RASA1: variants seen among roughly 807,000 people sequenced by gnomAD.
RASA1 encodes RAS p21 protein activator 1.
Under a neutral mutation model 132.2 loss-of-function variants are expected in RASA1, and 25 were observed. The observed-to-expected ratio is 0.19, with a 90% CI of 0.14 to 0.26. RASA1 has a LOEUF of 0.26. Among genes scored for constraint, RASA1 ranks in the 10% least tolerant of loss-of-function variants. The pLI, the probability that RASA1 is intolerant of heterozygous loss-of-function variation, is 1.00. For synonymous variants in RASA1, 477 were observed against 449.9 expected (o/e 1.06, Z -0.76); for missense variants, 964 against 1,299.2 (o/e 0.74, Z 3.97).
chr5:87,275,745 A>G (rs1754035914), intron 1 of RASA1, among the ~76,000 whole-genome samples: 1 of 151,664 alleles, frequency 6.6e-6, no homozygotes, highest in Non-Finnish European at 1.5e-5. Context: ...TAATTTTTGT[A>G]TTTTTCATGG....
rs755878903 is a variant in RASA1 at position 87,303,839 on chromosome 5, C to CTT, written c.540-27492_540-27491dup. 8.3e-3 allele frequency among the ~76,000 whole-genome samples: 1,087 copies of CTT among 130,300 alleles called. 7 individuals are homozygous for CTT. Among genetic ancestry groups the CTT allele is most frequent in the Non-Finnish European group, 0.013 (756 of 60,116 alleles). The allele number at this position is 130,300 out of a possible 152,430, so 85.5% of individuals were successfully genotyped here. A position where few individuals can be genotyped will look rare whatever the true frequency, so the allele number is the denominator to read the frequency against. On this transcript the variant is annotated intron_variant, in intron 1 of 24. Coordinates refer to ENST00000274376, the MANE Select transcript of RASA1 (RefSeq NM_002890.3). ...GTCTGTTATCTTTGATACTTCTTGT[C>CTT]TTTTTTTTTTTTTTTTTTGAGGCAG... is the stretch of plus-strand genomic sequence containing the variant.
chr5:87,388,660 CTGAT>C (rs1762236609), intron 23 of RASA1, among the ~76,000 whole-genome samples: 1 of 152,182 alleles, frequency 6.6e-6, no homozygotes, highest in Non-Finnish European at 1.5e-5. Context: ...ATAATTAACA[CTGAT>C]TATTCCCACA....
chr5:87,391,592 G>T lies in RASA1; in HGVS notation c.*709G>T. On this transcript the variant is annotated 3_prime_UTR_variant, in exon 25 of 25. Transcript: ENST00000274376. ...ATAATGCTTTGTTAAATGTTTACAA[G>T]TAAATAGTTTGAATTCAGTAAATAT... The T allele has an allele frequency of 4.3e-6, 1 of 234,726 alleles. No individual in the cohort carries two copies. The highest frequency in any genetic ancestry group is 8.4e-6 in the Non-Finnish European group (1 of 118,802). The allele number at this position is 234,726 out of a possible 1,614,324, so 14.5% of individuals were successfully genotyped here.
At chr5:87,298,619 A>G (rs1293064706) in intron 1 of RASA1, among the ~76,000 whole-genome samples, 1 of 152,164 alleles carries the variant, frequency 6.6e-6, no homozygotes, top group East Asian at 1.9e-4. Flanking sequence ...GCAAAAGATA[A>G]TATTTGATAA....
At chr5:87,313,971 T>A (rs1756120767) in intron 1 of RASA1, among the ~76,000 whole-genome samples, 1 of 151,806 alleles carries the variant, frequency 6.6e-6, no homozygotes, top group East Asian at 1.9e-4. Context: ...AGTTTGAGAC[T>A]ACCCTGACCA....
chr5:87,383,861 T>A, intron 21 of RASA1, 81 bp downstream of exon 21: 1 of 781,382 alleles, frequency 1.3e-6, no homozygotes, highest in Non-Finnish European at 1.8e-6. Flanking sequence ...TCTTAAATCT[T>A]TTTTTTTTTT....
intron 1 of RASA1, among the ~76,000 whole-genome samples, chr5:87,330,277 A>G (rs1757514666): frequency 6.6e-6 from 1 of 152,160 alleles, no homozygotes; most frequent in African/African-American, 2.4e-5. Context: ...GCTTACAAAA[A>G]TAGTCATAGT....
chr5:87,375,947 G>A (rs1580384810), intron 15 of RASA1, among the ~76,000 whole-genome samples: 1 of 152,112 alleles, frequency 6.6e-6, no homozygotes, highest in East Asian at 1.9e-4. Context: ...TATTTGAAGT[G>A]CTCTTTTTTC....
intron 1 of RASA1, among the ~76,000 whole-genome samples, chr5:87,286,964 A>G (rs1042299785): frequency 6.8e-6 from 1 of 147,216 alleles, no homozygotes; most frequent in Non-Finnish European, 1.5e-5. Flanking sequence ...CATACCATAT[A>G]TACACCATAT....
chr5:87,348,863 C>T (rs1342818506), intron 7 of RASA1, among the ~76,000 whole-genome samples: 1 of 151,936 alleles, frequency 6.6e-6, no homozygotes, highest in Non-Finnish European at 1.5e-5. Context: ...CGAAGATTTA[C>T]ATACAGAATT....
intron 1 of RASA1, among the ~76,000 whole-genome samples, chr5:87,287,472 C>CAT (rs1372266798): frequency 7.0e-6 from 1 of 141,972 alleles, no homozygotes; most frequent in Admixed American, 7.1e-5. Context: ...ATATACACAC[C>CAT]ATATATATAC....
Position 87,372,129 on chromosome 5 carries a change from A to G in RASA1, c.1710A>G (p.Lys570=), listed in dbSNP as rs1250685754. 7.4e-6 allele frequency: 12 copies of G among 1,613,506 alleles called. No homozygotes were observed. The highest frequency in any genetic ancestry group is 1.0e-5 in the Non-Finnish European group (12 of 1,179,676). The change falls in exon 13 of 25, where the codon AAA becomes AAG. Residue 570 remains lysine (K), a synonymous_variant. Transcript: ENST00000274376. ...ETPEQAEDWM[K]GLQAFCNLRK... is the part of the protein sequence containing the mutation. The stretch of plus-strand genomic sequence containing the variant: ...GTTTTTCTTTGCAGGATTGGATGAA[A>G]GGTCTGCAGGCATTTTGCAATTTAC...
At chr5:87,308,958 C>T (rs1478175107) in intron 1 of RASA1, among the ~76,000 whole-genome samples, 2 of 151,936 alleles carry the variant, frequency 1.3e-5, no homozygotes, top group East Asian at 3.8e-4. Flanking sequence ...AGAATGTATC[C>T]CTGTCGTTAA....
intron 1 of RASA1, among the ~76,000 whole-genome samples, chr5:87,269,800 T>C (rs1753739373): frequency 6.6e-6 from 1 of 152,242 alleles, no homozygotes; most frequent in Non-Finnish European, 1.5e-5. Context: ...TTTTTTAAAA[T>C]GTAAGTTAAT....
chr5:87,319,140 C>T (rs1440879432), intron 1 of RASA1, among the ~76,000 whole-genome samples: 1 of 152,226 alleles, frequency 6.6e-6, no homozygotes, highest in Non-Finnish European at 1.5e-5. Context: ...CAGCTCTGCC[C>T]CATGGCTCTG....
intron 1 of RASA1, among the ~76,000 whole-genome samples, chr5:87,322,608 A>G (rs939723658): frequency 6.6e-6 from 1 of 151,898 alleles, no homozygotes; most frequent in Non-Finnish European, 1.5e-5. Flanking sequence ...CATGAGTAAA[A>G]GCTTCCTGAG....
chr5:87,352,361 T>C (rs1293123519), intron 8 of RASA1, among the ~76,000 whole-genome samples: 3 of 151,610 alleles, frequency 2.0e-5, no homozygotes, highest in Admixed American at 6.6e-5. Context: ...AAACAAAATC[T>C]GTCTGGAGAA....
rs563844010 is a variant in RASA1 at position 87,289,936 on chromosome 5, A to C, written c.539+20946A>C. ...ATTTTGTTGTTGTTGTTAATAGATA[A>C]ATTGTCCTTGTGGTTTCTATATTAG... On this transcript the variant is annotated intron_variant, in intron 1 of 24. Transcript: ENST00000274376. 2.6e-5 allele frequency among the ~76,000 whole-genome samples: 4 copies of C among 152,028 alleles called. No individual in the cohort carries two copies. In the South Asian group the frequency reaches 8.3e-4, roughly 32 times the overall value.
In RASA1 at chr5:87,268,704, G is replaced by A. The variant is rs754858818; in HGVS notation, c.253G>A (p.Gly85Arg). The change falls in exon 1 of 25, where the codon GGA becomes AGA. Residue 85 changes from glycine to arginine, a missense_variant. This residue lies in a region of RASA1 where 326 missense variants were observed against 275.8 expected (regional missense o/e 1.18). Coordinates refer to ENST00000274376, the MANE Select transcript of RASA1 (RefSeq NM_002890.3). ...TGTGGCAGGGGCACTGGGGGGAGCT[G>A]GACTGACAGGGGGAGGTACTGCTGC... is the stretch of plus-strand genomic sequence containing the variant. Reference protein sequence around the residue: ...GSVAGALGGAGLTGGGTAAGV... With the variant: ...GSVAGALGGARLTGGGTAAGV... 9.3e-6 allele frequency: 15 copies of A among 1,612,004 alleles called. No homozygotes were observed. Among genetic ancestry groups the A allele is most frequent in the Non-Finnish European group, 1.3e-5 (15 of 1,179,178 alleles).
Sources: gnomAD v4.1 joint callset for allele counts (sites outside exome capture counted in the v4.1 genomes callset) on GRCh38, gnomAD v4.1.1 for gene constraint, gnomAD v4.1.1 regional missense constraint, MANE v1.5 for transcripts, NCBI Gene and HGNC (gene_info 2026-07-23, HGNC 2026-07-21) for gene names.